The following PCOLCE2 variants were observed in gnomAD, a reference collection of about 807,000 sequenced individuals.
The protein encoded by PCOLCE2 is procollagen C-endopeptidase enhancer 2, also known as procollagen C-proteinase enhancer 2.
PCOLCE2 carries 42 observed loss-of-function variants against 47.0 expected under a neutral mutation model. The ratio of observed to expected loss-of-function variants is 0.89; its 90% CI spans 0.70 to 1.16. The LOEUF (loss-of-function observed/expected upper bound fraction) is 1.16. PCOLCE2 is among the 50% of genes most tolerant of loss of function. PCOLCE2 has a pLI of 0.00. For synonymous variants in PCOLCE2, 169 were observed against 191.7 expected, an observed-to-expected ratio of 0.88 and a Z score of 0.98; for missense variants, 500 against 526.1, an observed-to-expected ratio of 0.95 and a Z score of 0.49.
chr3:142,839,914 T>C (rs1048328497), intron 4 of PCOLCE2, among the ~76,000 whole-genome samples: 3 of 152,224 alleles, frequency 2.0e-5, no homozygotes, highest in Admixed American at 2.0e-4. Flanking sequence ...TAGAAGCTAA[T>C]AGAAATAAAA....
chr3:142,864,221 G>C (rs772103368), intron 2 of PCOLCE2: 1 of 152,298 alleles, frequency 6.6e-6, no homozygotes, highest in Non-Finnish European at 1.5e-5. Flanking sequence ...GAATACCCAA[G>C]TTTCACCAAG....
intron 6 of PCOLCE2, among the ~76,000 whole-genome samples, chr3:142,824,206 C>A (rs1326725456): frequency 6.6e-6 from 1 of 151,730 alleles, no homozygotes; most frequent in Admixed American, 6.6e-5. Context: ...TAAAAGTATA[C>A]CAAATAGACA....
chr3:142,842,023 G>A lies in PCOLCE2; in HGVS notation c.573+901C>T, dbSNP rs1383862363. Among the ~76,000 whole-genome samples, 10 of 152,176 alleles carry A rather than the reference G, an allele frequency of 6.6e-5. No homozygotes were observed. The highest frequency in any genetic ancestry group is 5.9e-4 in the Admixed American group (9 of 15,268). ...CAAATTAATAAATACTGGAAAAGTCGACCTTCTCTGTTGATTATTTCAGAA... is the reference window on the plus strand; with the variant it reads ...CAAATTAATAAATACTGGAAAAGTCAACCTTCTCTGTTGATTATTTCAGAA... On this transcript the variant is annotated intron_variant, in intron 4 of 8. Transcript: ENST00000295992. The surrounding 1 kb of genome is among the most constrained non-coding windows in gnomAD (Gnocchi z 4.1).
At chr3:142,845,868 G>GCC (rs1491264561) in intron 3 of PCOLCE2, among the ~76,000 whole-genome samples, 325 of 152,254 alleles carry the variant, frequency 2.1e-3, no homozygotes, top group African/African-American at 6.4e-3. Context: ...CCAGCTGCTT[G>GCC]AGAGGTTGAG....
intron 6 of PCOLCE2, among the ~76,000 whole-genome samples, chr3:142,828,013 C>G (rs1419383170): frequency 1.3e-5 from 2 of 152,220 alleles, no homozygotes; most frequent in African/African-American, 4.8e-5. Context: ...CCTCTCATCT[C>G]TTGACTCTCT....
chr3:142,824,777 C>T (rs1033645220), intron 6 of PCOLCE2, among the ~76,000 whole-genome samples: 18 of 152,166 alleles, frequency 1.2e-4, no homozygotes, highest in African/African-American at 4.1e-4. Context: ...GTAGCTGGGA[C>T]TACAGATGCC....
intron 6 of PCOLCE2, chr3:142,827,196 T>C (rs1937090105): frequency 7.7e-7 from 1 of 1,296,598 alleles, no homozygotes; most frequent in Non-Finnish European, 1.1e-6. Context: ...ATCTCTGAGA[T>C]GGCGGAGGGG....
intron 2 of PCOLCE2, among the ~76,000 whole-genome samples, chr3:142,870,496 A>G (rs1185108302): frequency 6.6e-6 from 1 of 152,164 alleles, no homozygotes. Context: ...AGCGTTAGGA[A>G]GACTCCAAAC....
At position 142,871,913 on chromosome 3, in the gene PCOLCE2, G is replaced by C. The variant is rs954472611; in HGVS notation, c.192+15756C>G. Among the ~76,000 whole-genome samples the C allele has an allele frequency of 4.6e-5, 7 of 151,846 alleles. No individual in the cohort carries two copies. The South Asian group carries it at 1.3e-3, about 27-fold the overall frequency. On this transcript the variant is annotated intron_variant, in intron 2 of 8. Coordinates refer to ENST00000295992, the MANE Select transcript of PCOLCE2 (RefSeq NM_013363.4). ...ACATCTCCTATTGGTTCTACTTCTG[G>C]AGAACCCTGATACAGCCTCCCTGTG...
chr3:142,882,399 A>C (rs1249065771), intron 2 of PCOLCE2, among the ~76,000 whole-genome samples: 1 of 152,122 alleles, frequency 6.6e-6, no homozygotes, highest in African/African-American at 2.4e-5. Context: ...GGTGGACCCC[A>C]AGACTAAATT....
At chr3:142,823,046 A>C (rs16852648) in intron 7 of PCOLCE2, among the ~76,000 whole-genome samples, 5,498 of 152,300 alleles carry the variant, frequency 0.036, 346 homozygotes, top group African/African-American at 0.13. Flanking sequence ...CCAGTTTGTG[A>C]GAGTTTCCAA....
chr3:142,887,889 A>C (rs928205859), intron 1 of PCOLCE2, 112 bp from the exon 2 acceptor site: 3 of 644,116 alleles, frequency 4.7e-6, no homozygotes, highest in Non-Finnish European at 8.2e-6. Flanking sequence ...AATGTTGATT[A>C]ATCAATGCTT....
intron 5 of PCOLCE2, 130 bp from the exon 6 acceptor site, chr3:142,829,976 G>A (rs575808020): frequency 5.6e-6 from 3 of 536,054 alleles, no homozygotes; most frequent in Admixed American, 3.4e-5. Flanking sequence ...AAGTTAAAAC[G>A]TTTAAAAATA....
At chr3:142,887,326 C>T in intron 2 of PCOLCE2, 1 of 176,284 alleles carries the variant, frequency 5.7e-6, no homozygotes, top group Non-Finnish European at 1.2e-5. Flanking sequence ...GCACGAGCAA[C>T]AAAAAACTTA....
chr3:142,885,585 C>G (rs915564914), intron 2 of PCOLCE2, among the ~76,000 whole-genome samples: 1 of 152,186 alleles, frequency 6.6e-6, no homozygotes, highest in African/African-American at 2.4e-5. Flanking sequence ...GCCACTATAT[C>G]CTAACCGCAG....
In PCOLCE2 at chr3:142,869,772, C is replaced by T. The variant is rs573828965; in HGVS notation, c.192+17897G>A. The stretch of plus-strand genomic sequence containing the variant: ...GAAGCCCCCACACTTCAAGTTTTCC[C>T]GCCTTTCTGGACCGAACCAATGTAC... On this transcript the variant is annotated intron_variant, in intron 2 of 8. Transcript: ENST00000295992. Among the ~76,000 whole-genome samples the T allele has an allele frequency of 8.5e-5, 13 of 152,266 alleles. No homozygotes were observed. In the East Asian group the frequency reaches 1.2e-3, roughly 14 times the overall value.
intron 2 of PCOLCE2, among the ~76,000 whole-genome samples, chr3:142,864,947 A>G (rs534803161): frequency 2.8e-4 from 43 of 152,320 alleles, no homozygotes; most frequent in African/African-American, 1.0e-3. Flanking sequence ...ATTATTAACA[A>G]TGCTTCCATA....
At position 142,842,867 on chromosome 3, in the gene PCOLCE2, C is replaced by T. The variant is rs1226708106; in HGVS notation, c.573+57G>A. ...GGAGGCTCTTGAGAGTTGGTGGGCCCCCCACACTGGGCAATTCACACATGC... is the reference window on the plus strand; with the variant it reads ...GGAGGCTCTTGAGAGTTGGTGGGCCTCCCACACTGGGCAATTCACACATGC... On this transcript the variant is annotated intron_variant, in intron 4 of 8. Transcript: ENST00000295992. The surrounding 1 kb of genome is among the most constrained non-coding windows in gnomAD (Gnocchi z 4.1). 1.3e-6 allele frequency: 2 copies of T among 1,587,218 alleles called. No homozygotes were observed. Among genetic ancestry groups the T allele is most frequent in the East Asian group, 4.5e-5 (2 of 44,672 alleles).
Position 142,848,335 on chromosome 3 carries a change from GA to G in PCOLCE2, c.329del (p.Phe110SerfsTer13). ...CACTGGACACAAGGGCTCCAGGCCGGAAAGTGCCACAGAAGCGGCCAATGCG... is the reference window on the plus strand; with the variant it reads ...CACTGGACACAAGGGCTCCAGGCCGGAAGTGCCACAGAAGCGGCCAATGCG... Reference protein sequence around the residue: ...GQRIGRFCGTFRPGALVSSGN... With the variant: ...GQRIGRFCGTXRPGALVSSGN... On this transcript the variant is annotated frameshift_variant, in exon 3 of 9. Coordinates refer to ENST00000295992, the MANE Select transcript of PCOLCE2 (RefSeq NM_013363.4). LOFTEE classifies it high-confidence loss of function. The G allele has an allele frequency of 6.2e-7, 1 of 1,614,240 alleles. No homozygotes were observed. The highest frequency in any genetic ancestry group is 8.5e-7 in the Non-Finnish European group (1 of 1,180,036).
Sources: allele counts gnomAD v4.1 joint callset (sites outside exome capture counted in the v4.1 genomes callset), GRCh38; gene constraint gnomAD v4.1.1; non-coding constraint Gnocchi (gnomAD v3.1); transcripts MANE v1.5; gene names NCBI Gene and HGNC (gene_info 2026-07-23, HGNC 2026-07-21).